The following RCAN1 variants were observed in gnomAD, a reference collection of about 807,000 sequenced individuals.
RCAN1 encodes the protein calcipressin-1.
In RCAN1, 11 loss-of-function variants were observed where a neutral mutation model predicts 22.9. That is an observed-to-expected ratio of 0.48 (90% CI 0.30 to 0.79). The LOEUF (loss-of-function observed/expected upper bound fraction) is 0.79, where lower values mean the gene tolerates loss of function less well. Among genes scored for constraint, RCAN1 ranks in the 30% least tolerant of loss-of-function variants. The pLI, the probability that RCAN1 is intolerant of heterozygous loss-of-function variation, is 0.06. For synonymous variants in RCAN1, 136 were observed against 142.3 expected (o/e 0.96, Z 0.32); for missense variants, 291 against 337.8 (o/e 0.86, Z 1.09).
At chr21:34,603,658 G>A (rs1413652620) in intron 1 of RCAN1, among the ~76,000 whole-genome samples, 2 of 152,068 alleles carry the variant, frequency 1.3e-5, no homozygotes, top group Non-Finnish European at 2.9e-5. Context: ...CAGTTACCCC[G>A]GGATTCCACA....
intron 1 of RCAN1, among the ~76,000 whole-genome samples, chr21:34,572,406 G>A (rs953283285): frequency 1.3e-5 from 2 of 152,152 alleles, no homozygotes; most frequent in African/African-American, 4.8e-5. Flanking sequence ...GGGACATCCT[G>A]GGGCTGGTGG....
At chr21:34,522,361 C>T (rs1241534061) in intron 2 of RCAN1, 1 of 152,156 alleles carries the variant, frequency 6.6e-6, no homozygotes, top group Non-Finnish European at 1.5e-5. Context: ...CCAGATTGCC[C>T]TCCCCAAGTT....
intron 1 of RCAN1, among the ~76,000 whole-genome samples, chr21:34,606,402 T>C (rs563978993): frequency 1.3e-5 from 2 of 152,332 alleles, no homozygotes; most frequent in South Asian, 2.1e-4. Flanking sequence ...CTTGGTAAAT[T>C]CCTTTACTGC....
intron 1 of RCAN1, among the ~76,000 whole-genome samples, chr21:34,596,926 T>C (rs1988177935): frequency 6.6e-6 from 1 of 152,142 alleles, no homozygotes; most frequent in Non-Finnish European, 1.5e-5. Flanking sequence ...ACACTGGGAC[T>C]TCGGTGATAA....
intron 1 of RCAN1, chr21:34,526,946 C>G (rs1351106215): frequency 7.2e-7 from 1 of 1,389,288 alleles, no homozygotes; most frequent in East Asian, 2.9e-5. Flanking sequence ...TCAAGTCCTG[C>G]ATGCTTGCAG....
intron 1 of RCAN1, among the ~76,000 whole-genome samples, chr21:34,578,680 G>A (rs1987497817): frequency 1.3e-5 from 2 of 152,196 alleles, no homozygotes; most frequent in South Asian, 4.1e-4. Flanking sequence ...TAAGGGCTCT[G>A]GAAGAATCTC....
intron 2 of RCAN1, chr21:34,523,265 T>C (rs1180997692): frequency 2.4e-6 from 1 of 409,678 alleles, no homozygotes; most frequent in Non-Finnish European, 4.5e-6. Context: ...CGCTGCACCC[T>C]GCAAGCTCCC....
intron 1 of RCAN1, among the ~76,000 whole-genome samples, chr21:34,581,078 G>A (rs149369090): frequency 2.5e-4 from 38 of 152,230 alleles, no homozygotes; most frequent in African/African-American, 7.7e-4. Flanking sequence ...TGGACCCACC[G>A]TTGTCTCAGA....
At chr21:34,548,503 TA>T (rs1419261689) in intron 1 of RCAN1, among the ~76,000 whole-genome samples, 1 of 151,822 alleles carries the variant, frequency 6.6e-6, no homozygotes, top group African/African-American at 2.4e-5. Context: ...AAAATAATAA[TA>T]AAAAAAAGTT....
intron 1 of RCAN1, among the ~76,000 whole-genome samples, chr21:34,530,380 A>T (rs937600371): frequency 6.6e-6 from 1 of 152,180 alleles, no homozygotes; most frequent in Admixed American, 6.5e-5. Flanking sequence ...CAGCATTCTG[A>T]AAGCATCATT....
At chr21:34,609,946 A>C (rs1262818761) in intron 1 of RCAN1, among the ~76,000 whole-genome samples, 1 of 152,238 alleles carries the variant, frequency 6.6e-6, no homozygotes, top group Non-Finnish European at 1.5e-5. Flanking sequence ...TCCCAAATAA[A>C]TTAAACTCTA....
intron 1 of RCAN1, among the ~76,000 whole-genome samples, chr21:34,570,070 G>A (rs987257188): frequency 6.6e-6 from 1 of 152,222 alleles, no homozygotes; most frequent in Non-Finnish European, 1.5e-5. Flanking sequence ...AGACGGGAGG[G>A]CCCAGGCCCA....
rs1209448718 is a variant in RCAN1 at position 34,532,285 on chromosome 21, A to T, written c.253-8575T>A. ...GGGTTCTTTGCTAAAACTGGGTTTT[A>T]TAAGGAAGTGCACAGGTGAGCCTAG... On this transcript the variant is annotated intron_variant, in intron 1 of 3. Transcript: ENST00000313806. Among the ~76,000 whole-genome samples the T allele has an allele frequency of 4.6e-5, 7 of 152,302 alleles. No individual in the cohort carries two copies. The East Asian group carries it at 1.2e-3, about 25-fold the overall frequency.
chr21:34,535,429 T>C (rs4817676), intron 1 of RCAN1, among the ~76,000 whole-genome samples: 140,561 of 150,902 alleles, frequency 0.93, 65,503 homozygotes, highest in African/African-American at 0.95. Flanking sequence ...GCTTTGAAGG[T>C]GTTAACCAGA....
intron 1 of RCAN1, among the ~76,000 whole-genome samples, chr21:34,611,250 C>T (rs911626705): frequency 6.6e-6 from 1 of 152,006 alleles, no homozygotes; most frequent in Admixed American, 6.6e-5. Context: ...AAAAAAGACT[C>T]ACAAAAAGAG....
At chr21:34,550,088 T>C (rs981989527) in intron 1 of RCAN1, among the ~76,000 whole-genome samples, 1 of 152,204 alleles carries the variant, frequency 6.6e-6, no homozygotes, top group African/African-American at 2.4e-5. Context: ...ACCCTCGTTG[T>C]ATTTCTAAAG....
chr21:34,532,689 G>A (rs893259624), intron 1 of RCAN1, among the ~76,000 whole-genome samples: 1 of 152,162 alleles, frequency 6.6e-6, no homozygotes, highest in African/African-American at 2.4e-5. Context: ...TACATTTGAC[G>A]ACAGATGTCA....
In RCAN1 at chr21:34,561,401, A is replaced by G. The variant is rs140873876; in HGVS notation, c.253-37691T>C. On this transcript the variant is annotated intron_variant, in intron 1 of 3. Transcript: ENST00000313806. ...TAAAACTTTATTTTTAGTACAAGGG[A>G]AAATGATCCCAAAAGTGTATTTGTA... is the stretch of plus-strand genomic sequence containing the variant. 2.8e-4 allele frequency among the ~76,000 whole-genome samples: 42 copies of G among 152,288 alleles called. No individual in the cohort carries two copies. The East Asian group carries it at 7.7e-3, about 28-fold the overall frequency.
intron 1 of RCAN1, among the ~76,000 whole-genome samples, chr21:34,610,648 C>A (rs1344685377): frequency 6.6e-6 from 1 of 152,176 alleles, no homozygotes; most frequent in Non-Finnish European, 1.5e-5. Context: ...CAATTAGAAT[C>A]ACCTGGGGAG....
Sources: allele counts gnomAD v4.1 joint callset (sites outside exome capture counted in the v4.1 genomes callset), GRCh38; gene constraint gnomAD v4.1.1; transcripts MANE v1.5; gene names NCBI Gene and HGNC (gene_info 2026-07-23, HGNC 2026-07-21).